ALK: variants seen among roughly 807,000 people sequenced by gnomAD.
The protein encoded by ALK is ALK tyrosine kinase receptor.
A neutral mutation model predicts 163.1 loss-of-function variants in ALK; 74 were observed. The ratio of observed to expected loss-of-function variants is 0.45; its 90% CI spans 0.38 to 0.55. The LOEUF is 0.55. Among genes scored for constraint, ALK ranks in the 20% least tolerant of loss-of-function variants. ALK has a pLI of 0.00. For synonymous variants in ALK, 960 were observed against 843.2 expected (o/e 1.14, Z -2.40); for missense variants, 2,063 against 2,105.3 (o/e 0.98, Z 0.39).
At chr2:29,513,823 T>A in intron 4 of ALK, among the ~76,000 whole-genome samples, 1 of 138,924 alleles carries the variant, frequency 7.2e-6, no homozygotes, top group East Asian at 2.2e-4. Context: ...AACAACCCCA[T>A]CAAAAAGTGG....
chr2:29,588,990 T>C (rs532968077), intron 3 of ALK, among the ~76,000 whole-genome samples: 1 of 152,302 alleles, frequency 6.6e-6, no homozygotes, highest in Admixed American at 6.5e-5. Context: ...GTTCTCTGCA[T>C]ACATTGGGTA....
At chr2:29,498,140 G>A (rs1460457117) in intron 4 of ALK, among the ~76,000 whole-genome samples, 1 of 152,146 alleles carries the variant, frequency 6.6e-6, no homozygotes, top group Non-Finnish European at 1.5e-5. Context: ...TTTATTCTAT[G>A]CTCTCCCAAT....
At chr2:29,423,159 G>A (rs1049176373) in intron 4 of ALK, among the ~76,000 whole-genome samples, 5 of 152,066 alleles carry the variant, frequency 3.3e-5, no homozygotes, top group Non-Finnish European at 5.9e-5. Flanking sequence ...TAGCTATAAC[G>A]GAACTAAGTT....
intron 1 of ALK, among the ~76,000 whole-genome samples, chr2:29,881,291 G>A (rs1666858545): frequency 6.6e-6 from 1 of 152,340 alleles, no homozygotes; most frequent in African/African-American, 2.4e-5. Context: ...CCCACTCAGT[G>A]TAGAGCTGTT....
At position 29,725,154 on chromosome 2, in the gene ALK, C is replaced by CAAAAAAAAAA. The variant is rs757959526; in HGVS notation, c.668-7467_668-7458dup. Among the ~76,000 whole-genome samples, 9 of 67,362 alleles carry CAAAAAAAAAA rather than the reference C, an allele frequency of 1.3e-4. 1 individual carries two copies. Among genetic ancestry groups the CAAAAAAAAAA allele is most frequent in the Admixed American group, 1.8e-4 (1 of 5,680 alleles). The allele number at this position is 67,362 out of a possible 152,430, so 44.2% of individuals were successfully genotyped here. ...TGGTTACCTTCAGGCTATCCTATAC[C>CAAAAAAAAAA]AAAAAAAAAAAAAAAAAAAGGAATC... On this transcript the variant is annotated intron_variant, in intron 1 of 28. Coordinates refer to ENST00000389048, the MANE Select transcript of ALK (RefSeq NM_004304.5).
intron 1 of ALK, among the ~76,000 whole-genome samples, chr2:29,783,594 C>T (rs1219209249): frequency 2.0e-5 from 3 of 152,156 alleles, no homozygotes; most frequent in African/African-American, 2.4e-5. Context: ...TAAAAATATC[C>T]TCAGTCCAGT....
chr2:29,586,650 C>T (rs1390420091), intron 3 of ALK, among the ~76,000 whole-genome samples: 2 of 152,184 alleles, frequency 1.3e-5, no homozygotes, highest in African/African-American at 2.4e-5. Context: ...TTTCAACACT[C>T]ATTTAGGCTG....
chr2:29,432,135 G>C (rs1173127945), intron 4 of ALK, among the ~76,000 whole-genome samples: 1 of 152,116 alleles, frequency 6.6e-6, no homozygotes, highest in East Asian at 1.9e-4. Context: ...TATCAGAAAA[G>C]AATATACTTT....
intron 3 of ALK, among the ~76,000 whole-genome samples, chr2:29,662,397 T>C (rs776002217): frequency 1.3e-5 from 2 of 152,138 alleles, no homozygotes; most frequent in African/African-American, 2.4e-5. Flanking sequence ...TCATGAATTG[T>C]CTCATTTGAC....
chr2:29,361,749 A>C (rs1668393580), intron 5 of ALK, among the ~76,000 whole-genome samples: 2 of 152,290 alleles, frequency 1.3e-5, no homozygotes, highest in Admixed American at 6.5e-5. Flanking sequence ...GGAAACCCTC[A>C]AAACTGGTTG....
chr2:29,741,866 A>G (rs1220277142), intron 1 of ALK, among the ~76,000 whole-genome samples: 1 of 152,186 alleles, frequency 6.6e-6, no homozygotes, highest in Non-Finnish European at 1.5e-5. Flanking sequence ...CAGTTACGTG[A>G]CTGGGGTCCA....
chr2:29,805,983 C>T (rs577884866), intron 1 of ALK, among the ~76,000 whole-genome samples: 1 of 152,142 alleles, frequency 6.6e-6, no homozygotes, highest in East Asian at 1.9e-4. Context: ...TTTGACAAGC[C>T]ATGTACATGT....
intron 2 of ALK, among the ~76,000 whole-genome samples, chr2:29,713,170 G>A (rs1032261366): frequency 6.6e-6 from 1 of 152,186 alleles, no homozygotes; most frequent in Non-Finnish European, 1.5e-5. Context: ...GTTACATGGT[G>A]TGCACCCTAT....
intron 3 of ALK, among the ~76,000 whole-genome samples, chr2:29,556,994 T>C (rs1673880165): frequency 2.6e-5 from 4 of 152,232 alleles, no homozygotes; most frequent in Admixed American, 2.0e-4. Context: ...TTTAGCTTCA[T>C]TATCAGACTC....
At chr2:29,562,585 T>C (rs1381204576) in intron 3 of ALK, among the ~76,000 whole-genome samples, 1 of 152,092 alleles carries the variant, frequency 6.6e-6, no homozygotes, top group Non-Finnish European at 1.5e-5. Flanking sequence ...ACCACCACAC[T>C]GCATTGGCTC....
chr2:29,474,910 G>T (rs1420359567), intron 4 of ALK, among the ~76,000 whole-genome samples: 1 of 152,200 alleles, frequency 6.6e-6, no homozygotes, highest in Non-Finnish European at 1.5e-5. Flanking sequence ...GGCCTTTGCT[G>T]GACGGGGCCT....
intron 19 of ALK, 143 bp downstream of exon 19, chr2:29,225,318 C>A (rs2148175920): frequency 1.3e-6 from 1 of 774,708 alleles, no homozygotes; most frequent in Non-Finnish European, 2.1e-6. Flanking sequence ...TTGGCTTGGC[C>A]TGGGCTGCCC....
At chr2:29,515,652 C>G (rs994412307) in intron 4 of ALK, among the ~76,000 whole-genome samples, 1 of 152,080 alleles carries the variant, frequency 6.6e-6, no homozygotes, top group Non-Finnish European at 1.5e-5. Flanking sequence ...AATCAATAAA[C>G]AATTTTCTTT....
intron 3 of ALK, among the ~76,000 whole-genome samples, chr2:29,587,450 C>T (rs113977929): frequency 0.028 from 4,297 of 151,658 alleles, 201 homozygotes; most frequent in African/African-American, 0.097. Context: ...CTTCTTCTGC[C>T]CCTACAAGAG....
Sources: gnomAD v4.1 joint callset for allele counts (sites outside exome capture counted in the v4.1 genomes callset) on GRCh38, gnomAD v4.1.1 for gene constraint, MANE v1.5 for transcripts, NCBI Gene and HGNC (gene_info 2026-07-23, HGNC 2026-07-21) for gene names.